MYH11: variants seen among roughly 807,000 people sequenced by gnomAD.
MYH11 encodes myosin-11.
Under a neutral mutation model 246.6 loss-of-function variants are expected in MYH11, and 80 were observed. The observed-to-expected ratio is 0.32, with a 90% CI of 0.27 to 0.39. The LOEUF is 0.39. Among genes scored for constraint, MYH11 ranks in the 10% least tolerant of loss-of-function variants. The pLI is 1.00. For missense variants in MYH11, 2,158 were observed against 2,546.8 expected, an observed-to-expected ratio of 0.85 and a Z score of 3.29; for synonymous variants, 1,071 against 1,015.5, an observed-to-expected ratio of 1.05 and a Z score of -1.04.
intron 4 of MYH11, among the ~76,000 whole-genome samples, chr16:15,793,945 CTTTTT>C (rs61625627): frequency 1.4e-5 from 1 of 70,230 alleles, no homozygotes; most frequent in East Asian, 4.4e-4. Flanking sequence ...CTTTTCTTTT[CTTTTT>C]TTTTTTTTTT....
rs1355701869 is a variant in MYH11 at position 15,748,153 on chromosome 16, C to A, written c.2074G>T (p.Ala692Ser). The A allele has an allele frequency of 6.2e-7, 1 of 1,613,928 alleles. No individual in the cohort carries two copies. Among genetic ancestry groups the A allele is most frequent in the Admixed American group, 1.7e-5 (1 of 60,030 alleles). Residue 692 changes from alanine (A) to serine (S), a missense_variant, in exon 17 of 41, where the codon GCG becomes TCG. Ala to Ser is a moderately conservative substitution (Grantham distance 99). Around this residue, in one of 11 missense-constraint regions of MYH11, gnomAD observed 317 missense variants for 507.7 expected, o/e 0.62. Coordinates refer to ENST00000300036, the MANE Select transcript of MYH11 (RefSeq NM_002474.3). The stretch of plus-strand genomic sequence containing the variant: ...CGCAGCTGCTCCAGCACCAGGAACG[C>A]ATCCAGCTTGCCGGACTGCAAAGGT... ...NHEKRSGKLD[A>S]FLVLEQLRCN...
chr16:15,823,585 G>C (rs1026643193), intron 2 of MYH11, among the ~76,000 whole-genome samples, 174 bp from the exon 3 acceptor site: 3 of 152,080 alleles, frequency 2.0e-5, no homozygotes, highest in African/African-American at 7.2e-5. Context: ...GGGCGAGAGT[G>C]GGTTTCCAAG....
intron 2 of MYH11, among the ~76,000 whole-genome samples, chr16:15,830,104 C>T (rs2043693235): frequency 1.3e-5 from 2 of 150,788 alleles, no homozygotes; most frequent in Non-Finnish European, 2.9e-5. Flanking sequence ...CACTCCACTC[C>T]AGCCTGGGTG....
chr16:15,740,377 G>C (rs894315147), intron 22 of MYH11, among the ~76,000 whole-genome samples, 189 bp from the exon 23 acceptor site: 4 of 152,050 alleles, frequency 2.6e-5, no homozygotes, highest in Non-Finnish European at 5.9e-5. Context: ...GGAGGCCGAG[G>C]TGGGTGGATC....
At chr16:15,833,442 C>T (rs1036433786) in intron 2 of MYH11, among the ~76,000 whole-genome samples, 6 of 141,206 alleles carry the variant, frequency 4.2e-5, no homozygotes, top group East Asian at 2.0e-4. Flanking sequence ...TCGAGGCAGA[C>T]GAACTCAGCC....
At chr16:15,852,334 C>CTTTTTTT (rs4006745) in intron 1 of MYH11, among the ~76,000 whole-genome samples, 1 of 129,164 alleles carries the variant, frequency 7.7e-6, no homozygotes. Flanking sequence ...TTTGCAATGC[C>CTTTTTTT]TTTTTTTTTT....
chr16:15,722,619 G>A (rs1271793365), intron 31 of MYH11, among the ~76,000 whole-genome samples: 2 of 152,210 alleles, frequency 1.3e-5, no homozygotes, highest in African/African-American at 2.4e-5. Flanking sequence ...CAGCCCAGAG[G>A]AGAGGTAGCT....
At chr16:15,779,623 T>G (rs1040955456) in intron 6 of MYH11, among the ~76,000 whole-genome samples, 2 of 152,006 alleles carry the variant, frequency 1.3e-5, no homozygotes, top group Non-Finnish European at 2.9e-5. Flanking sequence ...CATCCAACTA[T>G]GGATTAAACC....
At chr16:15,803,427 C>A (rs1490695943) in intron 3 of MYH11, among the ~76,000 whole-genome samples, 1 of 151,954 alleles carries the variant, frequency 6.6e-6, no homozygotes, top group African/African-American at 2.4e-5. Flanking sequence ...CAGGTGCGTG[C>A]CACCACGCCT....
intron 40 of MYH11, chr16:15,711,361 C>T (rs1389440703): frequency 6.6e-6 from 1 of 152,130 alleles, no homozygotes; most frequent in African/African-American, 2.4e-5. Flanking sequence ...GTGCTAATGG[C>T]TGTTGTCACT....
chr16:15,713,102 AAG>A (rs1358889668), intron 40 of MYH11: 2 of 151,968 alleles, frequency 1.3e-5, no homozygotes, highest in East Asian at 3.9e-4. Flanking sequence ...ACATGGGGCT[AAG>A]AGGTTATTCC....
intron 23 of MYH11, 38 bp from the exon 24 acceptor site, chr16:15,738,726 T>C: frequency 1.2e-6 from 2 of 1,609,140 alleles, no homozygotes; most frequent in Non-Finnish European, 1.7e-6. Flanking sequence ...TTTAGGATTT[T>C]TCTTTTCTCT....
At chr16:15,722,157 C>G (rs969818815) in intron 31 of MYH11, among the ~76,000 whole-genome samples, 7 of 152,186 alleles carry the variant, frequency 4.6e-5, no homozygotes, top group Admixed American at 4.6e-4. Context: ...CCACACCTGG[C>G]CAAATCCTTG....
rs768133909 is a variant in MYH11, at chr16:15,732,531, TCATCACCAAAAAG to T, written c.3651+20_3651+32del. 134 of 1,613,978 alleles carry T rather than the reference TCATCACCAAAAAG, an allele frequency of 8.3e-5. No individual in the cohort carries two copies. The highest frequency in any genetic ancestry group is 4.8e-4 in the African/African-American group (36 of 75,022). ...AGGCTGCTGATGTCACTCTTATGTG[TCATCACCAAAAAG>T]CATCACCAAAAAGCATTACCCTCTT... is the stretch of plus-strand genomic sequence containing the variant. On this transcript the variant is annotated intron_variant, in intron 27 of 40. Coordinates refer to ENST00000300036, the MANE Select transcript of MYH11 (RefSeq NM_002474.3).
intron 10 of MYH11, among the ~76,000 whole-genome samples, chr16:15,762,499 C>T (rs756366502): frequency 1.2e-4 from 18 of 152,098 alleles, no homozygotes; most frequent in Admixed American, 2.6e-4. Context: ...GATATTTTTG[C>T]GGACCCTGGC....
At chr16:15,756,577 GCTGGCCAA>G in intron 13 of MYH11, 63 bp from the exon 14 acceptor site, 1 of 1,570,250 alleles carries the variant, frequency 6.4e-7, no homozygotes, top group Non-Finnish European at 8.8e-7. Flanking sequence ...TCCATGAAGA[GCTGGCCAA>G]CTATACACAA....
At position 15,741,896 on chromosome 16, in the gene MYH11, A is replaced by G. The variant is rs935665242; in HGVS notation, c.2521-5T>C. The G allele has an allele frequency of 3.1e-6, 5 of 1,614,064 alleles. No individual in the cohort carries two copies. The African/African-American group carries it at 6.7e-5, about 22-fold the overall frequency. On this transcript the variant is annotated splice_region_variant and splice_polypyrimidine_tract_variant and intron_variant, in intron 20 of 40. Coordinates refer to ENST00000300036, the MANE Select transcript of MYH11 (RefSeq NM_002474.3). ...CACCTGCAGCAGTGGCTTCACCTGC[A>G]CACACACGGTTAGCCCATCATTTGT...
At chr16:15,733,788 C>G (rs990164431) in intron 26 of MYH11, among the ~76,000 whole-genome samples, 4 of 152,176 alleles carry the variant, frequency 2.6e-5, no homozygotes, top group African/African-American at 9.7e-5. Context: ...GGTGATCTGT[C>G]TGCTTCAGCC....
In MYH11 at chr16:15,745,293, C is replaced by G. The variant is rs545896897; in HGVS notation, c.2412-56G>C. The G allele has an allele frequency of 2.4e-6, 3 of 1,273,976 alleles. No individual in the cohort carries two copies. The African/African-American group carries it at 4.4e-5, about 19-fold the overall frequency. The allele number at this position is 1,273,976 out of a possible 1,614,324, so 78.9% of individuals were successfully genotyped here. A position where few individuals can be genotyped will look rare whatever the true frequency, so the allele number is the denominator to read the frequency against. ...TCATGAAGCCACACCCTGCTGTCAA[C>G]AGAGCCCTGCCCTGCAGCATCCTGA... On this transcript the variant is annotated intron_variant, in intron 19 of 40. Transcript: ENST00000300036.
Sources: gnomAD v4.1 joint callset for allele counts (sites outside exome capture counted in the v4.1 genomes callset) on GRCh38, gnomAD v4.1.1 for gene constraint, gnomAD v4.1.1 regional missense constraint, MANE v1.5 for transcripts, NCBI Gene and HGNC (gene_info 2026-07-23, HGNC 2026-07-21) for gene names.